The following ANKIB1 variants were observed in gnomAD, a reference collection of about 807,000 sequenced individuals.
ANKIB1 encodes ankyrin repeat and IBR domain-containing protein 1.
ANKIB1 carries 43 observed loss-of-function variants against 122.1 expected under a neutral mutation model. That is an observed-to-expected ratio of 0.35 (90% CI 0.28 to 0.45). The LOEUF (loss-of-function observed/expected upper bound fraction) is 0.45. Ranked by LOEUF, ANKIB1 falls within the 20% of genes least tolerant of loss-of-function variation. The probability of loss-of-function intolerance (pLI) is 1.00; values close to 1 mark genes in which losing one functional copy is unlikely to be tolerated. For missense variants in ANKIB1, 992 were observed against 1,329.5 expected, an observed-to-expected ratio of 0.75 and a Z score of 3.95; for synonymous variants, 390 against 442.0, an observed-to-expected ratio of 0.88 and a Z score of 1.48.
chr7:92,312,392 T>C (rs897821020), intron 3 of ANKIB1, among the ~76,000 whole-genome samples: 1 of 152,198 alleles, frequency 6.6e-6, no homozygotes, highest in Non-Finnish European at 1.5e-5. Context: ...TCTAATTTTA[T>C]TTAATATTCC....
At position 92,307,667 on chromosome 7, in the gene ANKIB1, T is replaced by A. The variant is rs886227429; in HGVS notation, c.486+11T>A. 1.3e-6 allele frequency: 2 copies of A among 1,488,736 alleles called. No individual in the cohort carries two copies. The highest frequency in any genetic ancestry group is 1.8e-6 in the Non-Finnish European group (2 of 1,125,296). The allele number at this position is 1,488,736 out of a possible 1,614,324, so 92.2% of individuals were successfully genotyped here. A position where few individuals can be genotyped will look rare whatever the true frequency, so the allele number is the denominator to read the frequency against. ...AAAGCCTGTGTAGAGGTAAATTTTT[T>A]TTTTTTTTAATATTCTGCATTGTAA... On this transcript the variant is annotated intron_variant, in intron 3 of 19. Coordinates refer to ENST00000265742, the MANE Select transcript of ANKIB1 (RefSeq NM_019004.2).
rs954583627 is a variant in ANKIB1, at chr7:92,399,266, C to T, written c.*317C>T. 21 of 180,410 alleles carry T rather than the reference C, an allele frequency of 1.2e-4. No individual in the cohort carries two copies. The East Asian group carries it at 2.3e-3, about 20-fold the overall frequency. 11.2% of individuals were successfully genotyped at this position (180,410 alleles called of 1,614,324 possible). On this transcript the variant is annotated 3_prime_UTR_variant, in exon 20 of 20. Transcript: ENST00000265742. ...AATGCAGTCCTCTATTTAGCCTAGGCTTGACAATACTTAAATTGAACATTT... is the reference window on the plus strand; with the variant it reads ...AATGCAGTCCTCTATTTAGCCTAGGTTTGACAATACTTAAATTGAACATTT...
At chr7:92,376,365 A>G (rs747584868) in intron 11 of ANKIB1, among the ~76,000 whole-genome samples, 5 of 152,084 alleles carry the variant, frequency 3.3e-5, no homozygotes, top group Non-Finnish European at 5.9e-5. Context: ...ACTTTCATCA[A>G]TGATCTTAGC....
At chr7:92,299,467 G>A (rs992165138) in intron 2 of ANKIB1, among the ~76,000 whole-genome samples, 7 of 152,164 alleles carry the variant, frequency 4.6e-5, no homozygotes, top group African/African-American at 1.7e-4. Context: ...AATTACCGAT[G>A]TTGAATTTTT....
intron 11 of ANKIB1, among the ~76,000 whole-genome samples, chr7:92,377,723 T>C (rs924496177): frequency 3.3e-5 from 5 of 152,182 alleles, no homozygotes; most frequent in Admixed American, 1.3e-4. Context: ...TTGAAGTGGA[T>C]TGGCTTTCTA....
At chr7:92,368,917 CTG>C (rs1422961843) in intron 10 of ANKIB1, among the ~76,000 whole-genome samples, 2 of 152,140 alleles carry the variant, frequency 1.3e-5, no homozygotes, top group African/African-American at 2.4e-5. Flanking sequence ...GAAGAAAAAA[CTG>C]TTATGTTGCA....
Position 92,398,293 on chromosome 7 carries a change from G to C in ANKIB1, c.2614G>C (p.Asp872His). ...ACTGCAAGAGTCTGGGCTGGCCCTC[G>C]ATGAAGAAACTAGAGACTTCCTCAG... ...LSLQESGLAL[D>H]EETRDFLSNE... Residue 872 changes from aspartate to histidine, a missense_variant, in exon 20 of 20, where the codon GAT (aspartate) becomes CAT (histidine). Asp to His is a moderately conservative substitution (Grantham distance 81). This residue lies in a region of ANKIB1 where 384 missense variants were observed against 412.0 expected (regional missense o/e 0.93). Transcript: ENST00000265742. The C allele has an allele frequency of 6.2e-7, 1 of 1,613,662 alleles. No individual in the cohort carries two copies. The highest frequency in any genetic ancestry group is 8.5e-7 in the Non-Finnish European group (1 of 1,179,774).
intron 1 of ANKIB1, among the ~76,000 whole-genome samples, chr7:92,284,325 A>C (rs1802072083): frequency 6.6e-6 from 1 of 152,122 alleles, no homozygotes; most frequent in Admixed American, 6.5e-5. Flanking sequence ...GGAATGTAAA[A>C]TTTCCTAGTA....
At chr7:92,376,226 A>G (rs1473732380) in intron 11 of ANKIB1, among the ~76,000 whole-genome samples, 1 of 152,208 alleles carries the variant, frequency 6.6e-6, no homozygotes, top group African/African-American at 2.4e-5. Flanking sequence ...CCGTAACAAG[A>G]GTCAGCCCAT....
intron 5 of ANKIB1, among the ~76,000 whole-genome samples, chr7:92,334,539 GTAAAA>G (rs1420084798): frequency 1.3e-5 from 2 of 151,988 alleles, no homozygotes; most frequent in African/African-American, 4.8e-5. Flanking sequence ...TTTTCAAATA[GTAAAA>G]TAAATTAAGA....
intron 4 of ANKIB1, among the ~76,000 whole-genome samples, chr7:92,327,183 G>A (rs1255679556): frequency 6.6e-6 from 1 of 152,134 alleles, no homozygotes; most frequent in Non-Finnish European, 1.5e-5. Flanking sequence ...AGATGGTCTT[G>A]CCATTATACT....
chr7:92,300,909 A>G (rs1802444721), intron 2 of ANKIB1, among the ~76,000 whole-genome samples: 1 of 152,064 alleles, frequency 6.6e-6, no homozygotes, highest in Non-Finnish European at 1.5e-5. Context: ...CCTGAGTTCA[A>G]CTTTTTAAAA....
intron 11 of ANKIB1, among the ~76,000 whole-genome samples, chr7:92,377,969 C>T (rs948799556): frequency 2.4e-4 from 36 of 151,716 alleles, no homozygotes; most frequent in Admixed American, 1.2e-3. Flanking sequence ...TTAAAACTTT[C>T]AAAGTATTTT....
intron 4 of ANKIB1, among the ~76,000 whole-genome samples, chr7:92,323,272 G>A (rs998674784): frequency 6.6e-6 from 1 of 152,026 alleles, no homozygotes; most frequent in Non-Finnish European, 1.5e-5. Flanking sequence ...ATTCTTGCTA[G>A]CATTGAATAT....
chr7:92,362,423 A>C (rs1364578819), intron 10 of ANKIB1, 150 bp downstream of exon 10: 1 of 689,000 alleles, frequency 1.5e-6, no homozygotes, highest in Non-Finnish European at 2.4e-6. Flanking sequence ...CCTTTGACTA[A>C]CTTCCTTTTG....
intron 1 of ANKIB1, 143 bp from the exon 2 acceptor site, chr7:92,294,746 G>T: frequency 4.6e-6 from 2 of 432,584 alleles, no homozygotes; most frequent in East Asian, 6.7e-5. Flanking sequence ...TTTTTTGGCT[G>T]TTAAGATAAA....
At chr7:92,394,637 T>G (rs781389507) in intron 17 of ANKIB1, among the ~76,000 whole-genome samples, 1 of 152,154 alleles carries the variant, frequency 6.6e-6, no homozygotes, top group Non-Finnish European at 1.5e-5. Context: ...GAGATAAAAT[T>G]TTCACACCAT....
intron 11 of ANKIB1, among the ~76,000 whole-genome samples, chr7:92,376,449 T>A (rs1416506888): frequency 1.3e-5 from 2 of 148,822 alleles, no homozygotes; most frequent in Non-Finnish European, 3.0e-5. Context: ...TTTTTTATTT[T>A]TTATTTTTTT....
intron 1 of ANKIB1, among the ~76,000 whole-genome samples, chr7:92,260,800 T>C (rs1219106970): frequency 6.6e-6 from 1 of 152,196 alleles, no homozygotes; most frequent in Non-Finnish European, 1.5e-5. Flanking sequence ...AGCAGTGATT[T>C]TAGTTTATTT....
Sources: gnomAD v4.1 joint callset for allele counts (sites outside exome capture counted in the v4.1 genomes callset) on GRCh38, gnomAD v4.1.1 for gene constraint, gnomAD v4.1.1 regional missense constraint, MANE v1.5 for transcripts, NCBI Gene and HGNC (gene_info 2026-07-23, HGNC 2026-07-21) for gene names.